The following SLC12A1 variants were observed in gnomAD, a reference collection of about 807,000 sequenced individuals.
The protein encoded by SLC12A1 is Na-K-2Cl cotransporter.
In SLC12A1, 89 loss-of-function variants were observed where a neutral mutation model predicts 130.4. The ratio of observed to expected loss-of-function variants is 0.68; its 90% CI spans 0.58 to 0.81. The LOEUF (loss-of-function observed/expected upper bound fraction) is 0.81, where lower values mean the gene tolerates loss of function less well. Among genes scored for constraint, SLC12A1 ranks in the 40% least tolerant of loss-of-function variants. The pLI, the probability that SLC12A1 is intolerant of heterozygous loss-of-function variation, is 0.00. For synonymous variants in SLC12A1, 499 were observed against 460.0 expected, an observed-to-expected ratio of 1.08 and a Z score of -1.09; for missense variants, 1,310 against 1,336.4, an observed-to-expected ratio of 0.98 and a Z score of 0.31.
At chr15:48,284,790 C>T (rs540164178) in intron 20 of SLC12A1, among the ~76,000 whole-genome samples, 20 of 152,182 alleles carry the variant, frequency 1.3e-4, no homozygotes, top group South Asian at 4.1e-4. Context: ...CACACCACAC[C>T]CAGCTGATTT....
At chr15:48,281,189 A>C (rs190863096) in intron 20 of SLC12A1, among the ~76,000 whole-genome samples, 5 of 152,204 alleles carry the variant, frequency 3.3e-5, no homozygotes, top group Non-Finnish European at 7.4e-5. Flanking sequence ...CACTTTTTGC[A>C]TTTTCCAATG....
chr15:48,237,157 G>C (rs768284418), intron 9 of SLC12A1: 1 of 634,024 alleles, frequency 1.6e-6, no homozygotes, highest in Non-Finnish European at 2.8e-6. Context: ...TTTCAGAAGA[G>C]GGGACACTCA....
At chr15:48,260,345 C>G (rs1024848573) in intron 17 of SLC12A1, among the ~76,000 whole-genome samples, 3 of 76,736 alleles carry the variant, frequency 3.9e-5, no homozygotes, top group Non-Finnish European at 7.3e-5. Flanking sequence ...CTCTCTCTCT[C>G]TATCACACAC....
intron 10 of SLC12A1, 41 bp from the exon 11 acceptor site, chr15:48,244,712 G>A (rs1235828843): frequency 6.2e-7 from 1 of 1,609,710 alleles, no homozygotes; most frequent in Admixed American, 1.7e-5. Flanking sequence ...TAAGGGACCA[G>A]AACTTTATAA....
intron 9 of SLC12A1, among the ~76,000 whole-genome samples, chr15:48,240,048 T>TATAG (rs1352587571): frequency 4.4e-5 from 1 of 22,582 alleles, no homozygotes. Flanking sequence ...TATATATATA[T>TATAG]CCATATATAT....
intron 17 of SLC12A1, among the ~76,000 whole-genome samples, chr15:48,259,659 A>G (rs2041748075): frequency 6.6e-6 from 1 of 152,228 alleles, no homozygotes; most frequent in Admixed American, 6.5e-5. Flanking sequence ...AATGAGCCAA[A>G]TAGAGCACTA....
intron 4 of SLC12A1, chr15:48,222,622 G>A (rs1198063943): frequency 2.6e-5 from 4 of 151,280 alleles, no homozygotes; most frequent in Admixed American, 6.6e-5. Flanking sequence ...TTTAATTCTC[G>A]GAAGACAGAC....
intron 9 of SLC12A1, chr15:48,237,079 G>C (rs1460810182): frequency 2.9e-6 from 2 of 698,684 alleles, no homozygotes; most frequent in African/African-American, 3.5e-5. Flanking sequence ...GAACAAGCAA[G>C]AGTAGAATCA....
At chr15:48,277,537 T>A (rs1164291117) in intron 20 of SLC12A1, among the ~76,000 whole-genome samples, 1 of 144,724 alleles carries the variant, frequency 6.9e-6, no homozygotes, top group Admixed American at 6.8e-5. Context: ...GTAAGCATTT[T>A]AAAAAGTCAT....
chr15:48,242,447 T>A (rs1388536585), intron 10 of SLC12A1, among the ~76,000 whole-genome samples: 1 of 152,078 alleles, frequency 6.6e-6, no homozygotes, highest in African/African-American at 2.4e-5. Flanking sequence ...AAAGAAAAAA[T>A]GAACTTAAAT....
chr15:48,273,518 T>C (rs906208352), intron 19 of SLC12A1, among the ~76,000 whole-genome samples: 2 of 152,234 alleles, frequency 1.3e-5, no homozygotes. Flanking sequence ...GGGTGCATTA[T>C]TCTACCTAAC....
chr15:48,289,417 A>G (rs1490452594), intron 23 of SLC12A1, among the ~76,000 whole-genome samples: 1 of 134,928 alleles, frequency 7.4e-6, no homozygotes. Flanking sequence ...ATATATATAT[A>G]TATATATATA....
rs774638390 is a variant in SLC12A1, at chr15:48,244,715, C to A, written c.1301-38C>A. 4 of 1,610,900 alleles carry A rather than the reference C, an allele frequency of 2.5e-6. No individual in the cohort carries two copies. The East Asian group carries it at 8.9e-5, about 36-fold the overall frequency. On this transcript the variant is annotated intron_variant, in intron 10 of 26. Transcript: ENST00000380993. ...AGTAGAAAACCGTAAGGGACCAGAA[C>A]TTTATAAAGAAATAACAAGCCACGG...
chr15:48,295,460 TTAAC>T (rs2042168571), intron 24 of SLC12A1, among the ~76,000 whole-genome samples: 1 of 152,092 alleles, frequency 6.6e-6, no homozygotes, highest in South Asian at 2.1e-4. Context: ...ACCTCTTCCA[TTAAC>T]CAAGCCTCTT....
chr15:48,289,430 ATG>A (rs2042096237), intron 23 of SLC12A1, among the ~76,000 whole-genome samples: 1 of 84,342 alleles, frequency 1.2e-5, no homozygotes, highest in Admixed American at 1.2e-4. Context: ...TATATATATA[ATG>A]TATAACTATG....
intron 17 of SLC12A1, 22 bp from the exon 18 acceptor site, chr15:48,267,539 A>G (rs1331327725): frequency 6.2e-7 from 1 of 1,612,872 alleles, no homozygotes; most frequent in Non-Finnish European, 8.5e-7. Context: ...GGTTCTAACC[A>G]ATATTTCATT....
chr15:48,208,732 A>G (rs1019857661), intron 2 of SLC12A1, among the ~76,000 whole-genome samples: 2 of 152,234 alleles, frequency 1.3e-5, no homozygotes, highest in Admixed American at 1.3e-4. Context: ...AAACACGTCA[A>G]ACTGAATACC....
chr15:48,241,687 A>G (rs2041517926), intron 10 of SLC12A1, 88 bp downstream of exon 10: 1 of 907,476 alleles, frequency 1.1e-6, no homozygotes, highest in Non-Finnish European at 1.8e-6. Flanking sequence ...CAGCATAAAT[A>G]CAGAGTTTTT....
rs184971724 is a variant in SLC12A1, at chr15:48,254,540, T to C, written c.1943-1271T>C. On this transcript the variant is annotated intron_variant, in intron 15 of 26. Transcript: ENST00000380993. ...TCTGGGGTGTATCTGTACATTCTTG[T>C]CAGGGACTTCCTCTCATAAACCTTG... 5.0e-3 allele frequency among the ~76,000 whole-genome samples: 705 copies of C among 140,552 alleles called. 8 individuals carry two copies. The Middle Eastern group carries it at 0.054, about 11-fold the overall frequency. 92.2% of individuals were successfully genotyped at this position (140,552 alleles called of 152,430 possible). A position where few individuals can be genotyped will look rare whatever the true frequency, so the allele number is the denominator to read the frequency against.
Sources: gnomAD v4.1 joint callset for allele counts (sites outside exome capture counted in the v4.1 genomes callset) on GRCh38, gnomAD v4.1.1 for gene constraint, MANE v1.5 for transcripts, NCBI Gene and HGNC (gene_info 2026-07-23, HGNC 2026-07-21) for gene names.